The following NDUFS6 variants were observed in gnomAD, a reference collection of about 807,000 sequenced individuals.
NDUFS6 encodes NADH dehydrogenase [ubiquinone] iron-sulfur protein 6, mitochondrial.
In NDUFS6, 14 loss-of-function variants were observed where a neutral mutation model predicts 13.2. The ratio of observed to expected loss-of-function variants is 1.06; its 90% CI spans 0.70 to 1.66. NDUFS6 has a LOEUF of 1.66. NDUFS6 is among the 40% of genes most tolerant of loss of function. The pLI is 0.00. For missense variants in NDUFS6, 206 were observed against 170.8 expected (o/e 1.21, Z -1.15); for synonymous variants, 95 against 72.3 (o/e 1.31, Z -1.60).
At chr5:1,813,954 T>G (rs756616376) in intron 2 of NDUFS6, among the ~76,000 whole-genome samples, 2 of 152,236 alleles carry the variant, frequency 1.3e-5, no homozygotes, top group Non-Finnish European at 2.9e-5. Context: ...AATGTTCTTA[T>G]GAAACGCACA....
rs745418898 is a variant in NDUFS6 at position 1,815,964 on chromosome 5, C to T, written c.*48C>T. On this transcript the variant is annotated 3_prime_UTR_variant, in exon 4 of 4. Transcript: ENST00000274137. ...CCGCAGCATCCTGTGAGCATTTCCG[C>T]GGGGAAGCTGAGCACGTGAAGCTCG... The T allele has an allele frequency of 1.3e-5, 21 of 1,601,198 alleles. No homozygotes were observed. Among genetic ancestry groups the T allele is most frequent in the Middle Eastern group, 1.7e-4 (1 of 6,060 alleles).
At chr5:1,811,591 C>G (rs1460863099) in intron 2 of NDUFS6, among the ~76,000 whole-genome samples, 1 of 152,202 alleles carries the variant, frequency 6.6e-6, no homozygotes, top group Non-Finnish European at 1.5e-5. Flanking sequence ...CACTCTCTTT[C>G]TCATTGGAGA....
chr5:1,809,315 T>G (rs563545361), intron 2 of NDUFS6, among the ~76,000 whole-genome samples: 1 of 152,310 alleles, frequency 6.6e-6, no homozygotes, highest in South Asian at 2.1e-4. Context: ...GCAGCGCTCT[T>G]CAGTTTTTCT....
chr5:1,816,006 G>C lies in NDUFS6; in HGVS notation c.*90G>C. The C allele has an allele frequency of 1.5e-6, 2 of 1,351,042 alleles. No individual in the cohort carries two copies. The highest frequency in any genetic ancestry group is 2.1e-6 in the Non-Finnish European group (2 of 940,026). The allele number at this position is 1,351,042 out of a possible 1,614,324, so 83.7% of individuals were successfully genotyped here. On this transcript the variant is annotated 3_prime_UTR_variant, in exon 4 of 4. Transcript: ENST00000274137. ...TGAAGCTCGCTGGTTCTGTGCGAAG[G>C]GTATTCCTGGTGCTGAATAAAGGGT...
chr5:1,803,946 T>A (rs1408541315), intron 2 of NDUFS6, among the ~76,000 whole-genome samples: 1 of 152,044 alleles, frequency 6.6e-6, no homozygotes, highest in Non-Finnish European at 1.5e-5. Flanking sequence ...TTTCTCTTAG[T>A]GTGGATGCGG....
chr5:1,805,171 A>G (rs1734104566), intron 2 of NDUFS6, among the ~76,000 whole-genome samples: 1 of 152,196 alleles, frequency 6.6e-6, no homozygotes, highest in Non-Finnish European at 1.5e-5. Context: ...TGTCTACAAA[A>G]AATATAAAAA....
intron 2 of NDUFS6, 25 bp downstream of exon 2, chr5:1,802,399 AG>A: frequency 6.2e-7 from 1 of 1,601,506 alleles, no homozygotes; most frequent in Non-Finnish European, 8.5e-7. Context: ...TAGTGAAGAG[AG>A]GTAAGCTTTC....
chr5:1,805,605 T>A (rs1429578659), intron 2 of NDUFS6, among the ~76,000 whole-genome samples: 1 of 152,192 alleles, frequency 6.6e-6, no homozygotes, highest in African/African-American at 2.4e-5. Context: ...CAGGTGGCAC[T>A]CTGGGGCCAC....
At chr5:1,811,806 A>T (rs1337960018) in intron 2 of NDUFS6, among the ~76,000 whole-genome samples, 2 of 152,262 alleles carry the variant, frequency 1.3e-5, no homozygotes, top group African/African-American at 4.8e-5. Context: ...TCCGTCCATC[A>T]GGAGGCACAT....
chr5:1,805,840 T>C (rs368627384), intron 2 of NDUFS6, among the ~76,000 whole-genome samples: 9 of 152,294 alleles, frequency 5.9e-5, no homozygotes, highest in African/African-American at 2.2e-4. Context: ...ATCATTTGCT[T>C]TTTTGGTTAG....
chr5:1,807,063 T>C (rs116197228), intron 2 of NDUFS6, among the ~76,000 whole-genome samples: 2,084 of 152,064 alleles, frequency 0.014, 65 homozygotes, highest in African/African-American at 0.048. Flanking sequence ...GACTGCGTGA[T>C]TCCTCTAACA....
In NDUFS6 at chr5:1,808,097, G is replaced by C. The variant is rs938945272; in HGVS notation, c.186+5723G>C. Among the ~76,000 whole-genome samples the C allele has an allele frequency of 2.0e-5, 3 of 152,190 alleles. No homozygotes were observed. The South Asian group carries it at 6.2e-4, about 32-fold the overall frequency. ...GAGGGGCCTCGGAATTCCACCCTCC[G>C]CCTTTGCAGGTCATCTGGTTGGTGG... On this transcript the variant is annotated intron_variant, in intron 2 of 3. Coordinates refer to ENST00000274137, the MANE Select transcript of NDUFS6 (RefSeq NM_004553.6).
At chr5:1,801,688 C>T in intron 1 of NDUFS6, 139 bp downstream of exon 1, 1 of 1,326,270 alleles carries the variant, frequency 7.5e-7, no homozygotes, top group East Asian at 2.7e-5. Flanking sequence ...GTCGCTCACG[C>T]GCCGGGGAGG....
chr5:1,813,690 CTA>C (rs1459893909), intron 2 of NDUFS6, among the ~76,000 whole-genome samples: 4 of 152,174 alleles, frequency 2.6e-5, no homozygotes, highest in Non-Finnish European at 1.5e-5. Context: ...CCGCACATGC[CTA>C]TGAGTCATAA....
intron 2 of NDUFS6, among the ~76,000 whole-genome samples, chr5:1,809,927 C>T (rs1286419364): frequency 6.6e-6 from 1 of 152,244 alleles, no homozygotes. Context: ...TTTAATGTGG[C>T]TTCATTTTCC....
chr5:1,808,082 G>A (rs3822363), intron 2 of NDUFS6, among the ~76,000 whole-genome samples: 339 of 152,286 alleles, frequency 2.2e-3, no homozygotes, highest in Middle Eastern at 6.8e-3. Flanking sequence ...GAGGGGCCTC[G>A]GAATTCCACC....
intron 2 of NDUFS6, among the ~76,000 whole-genome samples, chr5:1,807,963 G>A (rs1455816886): frequency 6.6e-6 from 1 of 152,222 alleles, no homozygotes; most frequent in Non-Finnish European, 1.5e-5. Context: ...TGGTGCCGCT[G>A]GAGCTCCAGG....
At position 1,815,919 on chromosome 5, in the gene NDUFS6, C is replaced by A; in HGVS notation, c.*3C>A. ...AGTTCAGACAGCACCACCACTAGAG[C>A]GTGTGGCACGCCGGGGGTCCCGCAG... On this transcript the variant is annotated 3_prime_UTR_variant, in exon 4 of 4. Transcript: ENST00000274137. The A allele has an allele frequency of 4.3e-6, 7 of 1,614,212 alleles. No homozygotes were observed. Among genetic ancestry groups the A allele is most frequent in the South Asian group, 1.1e-5 (1 of 91,092 alleles).
At chr5:1,812,202 C>T (rs1027707668) in intron 2 of NDUFS6, among the ~76,000 whole-genome samples, 7 of 151,974 alleles carry the variant, frequency 4.6e-5, no homozygotes, top group African/African-American at 1.7e-4. Context: ...GGGGACTGAA[C>T]TCCTTCTTCT....
Sources: gnomAD v4.1 joint callset for allele counts (sites outside exome capture counted in the v4.1 genomes callset) on GRCh38, gnomAD v4.1.1 for gene constraint, MANE v1.5 for transcripts, NCBI Gene and HGNC (gene_info 2026-07-23, HGNC 2026-07-21) for gene names.